SPATS2L: variants seen among roughly 807,000 people sequenced by gnomAD.
SPATS2L encodes SPATS2-like protein.
Under a neutral mutation model 59.6 loss-of-function variants are expected in SPATS2L, and 30 were observed. That is an observed-to-expected ratio of 0.50 (90% CI 0.38 to 0.68). The LOEUF is 0.68. Among genes scored for constraint, SPATS2L ranks in the 30% least tolerant of loss-of-function variants. The probability of loss-of-function intolerance (pLI) is 0.00; values close to 1 mark genes in which losing one functional copy is unlikely to be tolerated. For synonymous variants in SPATS2L, 252 were observed against 263.5 expected (o/e 0.96, Z 0.42); for missense variants, 615 against 700.0 (o/e 0.88, Z 1.37).
chr2:200,426,799 G>A (rs1460519624), intron 6 of SPATS2L, among the ~76,000 whole-genome samples: 1 of 152,240 alleles, frequency 6.6e-6, no homozygotes, highest in East Asian at 1.9e-4. Flanking sequence ...TTAAATACTT[G>A]GTATTAATTC....
Position 200,479,256 on chromosome 2 carries a change from C to A in SPATS2L, c.*1225C>A, listed in dbSNP as rs1294550672. 2.1e-5 allele frequency: 6 copies of A among 281,526 alleles called. No homozygotes were observed. Among genetic ancestry groups the A allele is most frequent in the Non-Finnish European group, 3.3e-5 (5 of 152,074 alleles). The allele number at this position is 281,526 out of a possible 1,614,324, so 17.4% of individuals were successfully genotyped here. ...TCCTTTCCTCCTTGGGTTGACATTG[C>A]ATTCAGAATTGTGGCAAAGGGCCAC... is the stretch of plus-strand genomic sequence containing the variant. On this transcript the variant is annotated 3_prime_UTR_variant, in exon 13 of 13. Transcript: ENST00000409140.
chr2:200,353,045 G>T (rs2080794851), intron 2 of SPATS2L, among the ~76,000 whole-genome samples: 1 of 152,172 alleles, frequency 6.6e-6, no homozygotes. Flanking sequence ...GAACATTCTT[G>T]CTGTGGTTCT....
chr2:200,307,368 G>A (rs1161516896), intron 1 of SPATS2L, among the ~76,000 whole-genome samples: 1 of 151,844 alleles, frequency 6.6e-6, no homozygotes, highest in African/African-American at 2.4e-5. Context: ...CTGGCCCGGA[G>A]CCGCAAAGCC....
At chr2:200,370,648 AGTTT>A (rs1308222281) in intron 2 of SPATS2L, among the ~76,000 whole-genome samples, 1 of 152,172 alleles carries the variant, frequency 6.6e-6, no homozygotes, top group Non-Finnish European at 1.5e-5. Context: ...TATATATATT[AGTTT>A]ATTTAATCTT....
intron 1 of SPATS2L, among the ~76,000 whole-genome samples, chr2:200,322,669 AT>A (rs2079603763): frequency 6.6e-6 from 1 of 152,228 alleles, no homozygotes; most frequent in Non-Finnish European, 1.5e-5. Context: ...GGAAAAATGC[AT>A]AATTAATGTG....
intron 1 of SPATS2L, among the ~76,000 whole-genome samples, chr2:200,322,667 G>T (rs1222649703): frequency 6.6e-6 from 1 of 152,186 alleles, no homozygotes; most frequent in East Asian, 1.9e-4. Flanking sequence ...TAGGAAAAAT[G>T]CATAATTAAT....
chr2:200,397,257 A>G (rs1186192264), intron 3 of SPATS2L, among the ~76,000 whole-genome samples: 3 of 152,236 alleles, frequency 2.0e-5, no homozygotes, highest in Non-Finnish European at 4.4e-5. Context: ...CATGTCGAAA[A>G]TGAAACCCTG....
chr2:200,391,603 A>C (rs1321422689), intron 3 of SPATS2L, among the ~76,000 whole-genome samples: 1 of 152,206 alleles, frequency 6.6e-6, no homozygotes, highest in Non-Finnish European at 1.5e-5. Context: ...TTAAGCTGGA[A>C]TATGACTTGA....
intron 2 of SPATS2L, among the ~76,000 whole-genome samples, chr2:200,344,499 C>A (rs1420833329): frequency 6.6e-6 from 1 of 152,120 alleles, no homozygotes; most frequent in Non-Finnish European, 1.5e-5. Flanking sequence ...GATTCCATGT[C>A]TTTGCCATTG....
At chr2:200,372,287 G>C (rs1249787704) in intron 2 of SPATS2L, 11 of 751,636 alleles carry the variant, frequency 1.5e-5, no homozygotes, top group Non-Finnish European at 1.8e-5. Flanking sequence ...CTCATTCAAT[G>C]GCCAGCCAGC....
intron 2 of SPATS2L, among the ~76,000 whole-genome samples, chr2:200,346,545 T>G (rs569481794): frequency 6.6e-6 from 1 of 152,216 alleles, no homozygotes; most frequent in African/African-American, 2.4e-5. Flanking sequence ...AATAAACTAT[T>G]GTTTTTTTGT....
chr2:200,383,667 G>A (rs1002226405), intron 2 of SPATS2L, among the ~76,000 whole-genome samples: 1 of 152,090 alleles, frequency 6.6e-6, no homozygotes, highest in Non-Finnish European at 1.5e-5. Context: ...TAAGTCATAC[G>A]TCATGACATT....
chr2:200,477,515 T>TAAAAAAAAAAAAAAAAAAAAAAAAAAAAA lies in SPATS2L; in HGVS notation c.1282-98_1282-97insAAAAAAAAAAAAAAAAAAAAAAAAAAAAA, dbSNP rs59073895. 1.1e-5 allele frequency: 3 copies of TAAAAAAAAAAAAAAAAAAAAAAAAAAAAA among 268,486 alleles called. No homozygotes were observed. The African/African-American group carries it at 1.3e-4, about 12-fold the overall frequency. 16.6% of individuals were successfully genotyped at this position (268,486 alleles called of 1,614,324 possible). ...CATGTTTTCTGATTCTTCTGGTGTATAAAAAAAAAAAAAAAAAAAAAAAGC... is the reference window on the plus strand; with the variant it reads ...CATGTTTTCTGATTCTTCTGGTGTATAAAAAAAAAAAAAAAAAAAAAAAAAAAAAAAAAAAAAAAAAAAAAAAAAAAAGC... On this transcript the variant is annotated intron_variant, in intron 12 of 12. Transcript: ENST00000409140.
intron 2 of SPATS2L, among the ~76,000 whole-genome samples, chr2:200,386,621 C>T (rs1160644546): frequency 1.3e-5 from 2 of 152,190 alleles, no homozygotes; most frequent in Non-Finnish European, 2.9e-5. Context: ...TCCTAGACAT[C>T]AAAGCCCAAA....
chr2:200,420,175 C>A (rs2083250686), intron 6 of SPATS2L, among the ~76,000 whole-genome samples: 1 of 152,076 alleles, frequency 6.6e-6, no homozygotes, highest in Admixed American at 6.6e-5. Flanking sequence ...TTGGGCACAT[C>A]ATCTACTCTA....
At chr2:200,466,224 T>G (rs771881979) in intron 9 of SPATS2L, among the ~76,000 whole-genome samples, 2 of 152,226 alleles carry the variant, frequency 1.3e-5, no homozygotes, top group Non-Finnish European at 2.9e-5. Flanking sequence ...GTGAATCTGG[T>G]CTAATAAAGC....
intron 2 of SPATS2L, among the ~76,000 whole-genome samples, chr2:200,346,743 G>C (rs570821304): frequency 6.6e-6 from 1 of 152,098 alleles, no homozygotes; most frequent in Non-Finnish European, 1.5e-5. Context: ...AAAGATTCCT[G>C]CATTTGTTAT....
chr2:200,474,178 T>G (rs2087314440), intron 12 of SPATS2L, among the ~76,000 whole-genome samples: 1 of 151,938 alleles, frequency 6.6e-6, no homozygotes, highest in African/African-American at 2.4e-5. Context: ...GTCTCAGCCT[T>G]TGAGAATTCT....
At chr2:200,398,262 G>T (rs1252793762) in intron 3 of SPATS2L, among the ~76,000 whole-genome samples, 1 of 152,126 alleles carries the variant, frequency 6.6e-6, no homozygotes, top group Non-Finnish European at 1.5e-5. Flanking sequence ...ATACCTCAGA[G>T]TGTAACAAAA....
Sources: allele counts gnomAD v4.1 joint callset (sites outside exome capture counted in the v4.1 genomes callset), GRCh38; gene constraint gnomAD v4.1.1; transcripts MANE v1.5; gene names NCBI Gene and HGNC (gene_info 2026-07-23, HGNC 2026-07-21).